Variants in CHMP7 observed in about 807,000 individuals in gnomAD.
CHMP7 encodes the protein CHMP family, member 7.
A neutral mutation model predicts 53.7 loss-of-function variants in CHMP7; 15 were observed. That is an observed-to-expected ratio of 0.28 (90% confidence interval 0.19 to 0.43). The LOEUF is 0.43. Ranked by LOEUF, CHMP7 falls within the 20% of genes least tolerant of loss-of-function variation. The pLI, the probability that CHMP7 is intolerant of heterozygous loss-of-function variation, is 1.00. For missense variants in CHMP7, 527 were observed against 569.4 expected, an observed-to-expected ratio of 0.93 and a Z score of 0.76; for synonymous variants, 261 against 228.0, an observed-to-expected ratio of 1.14 and a Z score of -1.30.
intron 7 of CHMP7, 131 bp from the exon 8 acceptor site, chr8:23,258,601 G>A: frequency 8.1e-7 from 1 of 1,227,218 alleles, no homozygotes; most frequent in Non-Finnish European, 1.2e-6. Flanking sequence ...TTTGGCCTCG[G>A]TGGGTATAGG....
intron 3 of CHMP7, among the ~76,000 whole-genome samples, chr8:23,250,562 G>A (rs536505286): frequency 6.6e-6 from 1 of 151,352 alleles, no homozygotes; most frequent in South Asian, 2.1e-4. Context: ...GTCATCTGGT[G>A]CAGACCTGCT....
At chr8:23,251,672 T>A (rs540234750) in intron 3 of CHMP7, among the ~76,000 whole-genome samples, 1 of 152,222 alleles carries the variant, frequency 6.6e-6, no homozygotes, top group African/African-American at 2.4e-5. Context: ...TTGTTTTCTT[T>A]CCATTGCATT....
chr8:23,260,609 G>A lies in CHMP7; in HGVS notation c.*10G>A, dbSNP rs1431942525. On this transcript the variant is annotated 3_prime_UTR_variant, in exon 11 of 11. Coordinates refer to ENST00000397677, the MANE Select transcript of CHMP7 (RefSeq NM_152272.5). ...TCTAAAGCCATTGTAGGACCCTCAAGTGAAGGACCCTCATGTAAAAGAGAG... is the reference window on the plus strand; with the variant it reads ...TCTAAAGCCATTGTAGGACCCTCAAATGAAGGACCCTCATGTAAAAGAGAG... 3 of 1,609,236 alleles carry A rather than the reference G, an allele frequency of 1.9e-6. No individual in the cohort carries two copies. In the African/African-American group the frequency reaches 4.0e-5, roughly 22 times the overall value.
At position 23,256,491 on chromosome 8, in the gene CHMP7, A is replaced by G. The variant is rs1802130753; in HGVS notation, c.689A>G (p.Lys230Arg). 1.2e-6 allele frequency: 2 copies of G among 1,607,696 alleles called. No homozygotes were observed. Among genetic ancestry groups the G allele is most frequent in the Admixed American group, 1.7e-5 (1 of 59,990 alleles). ...IVKFARGPRA[K>R]VSPVNDVDVG... Reference sequence around the variant, plus strand: ...AAGTTTGCCCGAGGGCCACGTGCCAAGGTCTCTCCAGTCAATGACGTAGAT... The same window carrying G: ...AAGTTTGCCCGAGGGCCACGTGCCAGGGTCTCTCCAGTCAATGACGTAGAT... Residue 230 changes from lysine (K) to arginine (R), a missense_variant, in exon 5 of 11, where the codon AAG becomes AGG. Transcript: ENST00000397677.
At chr8:23,248,111 C>A (rs1387388962) in intron 2 of CHMP7, 1 of 456,118 alleles carries the variant, frequency 2.2e-6, no homozygotes, top group East Asian at 6.9e-5. Context: ...CTGCACCTGG[C>A]CAACGAGGCT....
rs1802129643 is a variant in CHMP7, at chr8:23,256,474, C to G, written c.672C>G (p.Ala224=). Residue 224 remains alanine, a synonymous_variant, in exon 5 of 11, where the codon GCC becomes GCG. Transcript: ENST00000397677. ...CTGTCCCTCAGATTGTGAAGTTTGC[C>G]CGAGGGCCACGTGCCAAGGTCTCTC... ...EQNGEKIVKF[A]RGPRAKVSPV... 6.2e-7 allele frequency: 1 copy of G among 1,606,566 alleles called. No individual in the cohort carries two copies.
rs1025653421 is a variant in CHMP7, at chr8:23,246,465, G to A, written c.-231G>A. On this transcript the variant is annotated 5_prime_UTR_variant, in exon 2 of 11. Coordinates refer to ENST00000397677, the MANE Select transcript of CHMP7 (RefSeq NM_152272.5). Reference sequence around the variant, plus strand: ...AAAGACCGTGGGAGGAGGGGTCGGCGCAAGCGCTCGGTGTCTCTCTGAAAA... The same window carrying A: ...AAAGACCGTGGGAGGAGGGGTCGGCACAAGCGCTCGGTGTCTCTCTGAAAA... 8 of 558,754 alleles carry A rather than the reference G, an allele frequency of 1.4e-5. No individual in the cohort carries two copies. Among genetic ancestry groups the A allele is most frequent in the African/African-American group, 7.6e-5 (4 of 52,510 alleles). The allele number at this position is 558,754 out of a possible 1,614,324, so 34.6% of individuals were successfully genotyped here. A position where few individuals can be genotyped will look rare whatever the true frequency, so the allele number is the denominator to read the frequency against.
chr8:23,258,525 G>A, intron 7 of CHMP7, 76 bp downstream of exon 7: 1 of 1,580,830 alleles, frequency 6.3e-7, no homozygotes, highest in South Asian at 1.1e-5. Flanking sequence ...CGGCTTGGCT[G>A]TTTGGAGGAT....
chr8:23,257,024 C>G (rs1208395393), intron 5 of CHMP7, among the ~76,000 whole-genome samples: 4 of 151,574 alleles, frequency 2.6e-5, no homozygotes, highest in Non-Finnish European at 1.5e-5. Flanking sequence ...AATCTCCTGA[C>G]CTCGTGATCC....
chr8:23,259,161 CA>C (rs375071464), intron 9 of CHMP7, 35 bp downstream of exon 9: 25,135 of 511,524 alleles, frequency 0.049, 951 homozygotes, highest in Middle Eastern at 0.066. Flanking sequence ...TATTTTTATT[CA>C]TTTTTTTTTT....
At chr8:23,254,840 T>C (rs1202355448) in intron 3 of CHMP7, 2 of 296,812 alleles carry the variant, frequency 6.7e-6, no homozygotes, top group Admixed American at 4.4e-5. Flanking sequence ...AGAGTGATAC[T>C]GAGGACTAGT....
intron 3 of CHMP7, among the ~76,000 whole-genome samples, chr8:23,250,631 T>A (rs1801887769): frequency 2.6e-5 from 1 of 38,680 alleles, no homozygotes; most frequent in Admixed American, 2.3e-4. Flanking sequence ...TGTGTGTGTG[T>A]GTGTGTGTGT....
chr8:23,257,964 A>G, intron 5 of CHMP7, 69 bp from the exon 6 acceptor site: 1 of 1,056,800 alleles, frequency 9.5e-7, no homozygotes, highest in Non-Finnish European at 1.4e-6. Flanking sequence ...TGCTGCTCTC[A>G]GGGACCCTTT....
Position 23,260,409 on chromosome 8 carries a change from T to C in CHMP7, c.1300+86T>C. 1.9e-6 allele frequency: 3 copies of C among 1,555,182 alleles called. No homozygotes were observed. In the South Asian group the frequency reaches 3.4e-5, roughly 17 times the overall value. ...TGGGCCCAAGCCCAATTACTCCATT[T>C]GCCAGAGTACCAGAGCCCTGTAGGG... is the stretch of plus-strand genomic sequence containing the variant. On this transcript the variant is annotated intron_variant, in intron 10 of 10. Transcript: ENST00000397677.
intron 1 of CHMP7, among the ~76,000 whole-genome samples, chr8:23,244,902 A>G (rs1801631454): frequency 6.6e-6 from 1 of 152,180 alleles, no homozygotes; most frequent in African/African-American, 2.4e-5. Context: ...GCTAATGTAA[A>G]TGGTATTGCA....
chr8:23,254,994 C>T (rs542743028), intron 3 of CHMP7: 69 of 524,846 alleles, frequency 1.3e-4, no homozygotes, highest in Middle Eastern at 1.0e-3. Context: ...GTAAAATCCC[C>T]GATGGGCGTG....
intron 5 of CHMP7, among the ~76,000 whole-genome samples, chr8:23,257,327 C>T (rs565846378): frequency 1.0e-3 from 159 of 151,748 alleles, no homozygotes; most frequent in Middle Eastern, 6.8e-3. Context: ...CACTCCTCGG[C>T]GCAAACAAGA....
intron 1 of CHMP7, among the ~76,000 whole-genome samples, chr8:23,244,683 A>G (rs1801625538): frequency 1.3e-5 from 2 of 152,226 alleles, no homozygotes; most frequent in African/African-American, 4.8e-5. Flanking sequence ...ATAACTAGCC[A>G]TGATTTTCAC....
At chr8:23,255,505 C>G (rs898373960) in intron 4 of CHMP7, 73 bp downstream of exon 4, 6 of 1,473,784 alleles carry the variant, frequency 4.1e-6, no homozygotes, top group Admixed American at 1.8e-5. Context: ...GAGCCCTTAT[C>G]TCAGATTTTG....
Sources: gnomAD v4.1 joint callset for allele counts (sites outside exome capture counted in the v4.1 genomes callset) on GRCh38, gnomAD v4.1.1 for gene constraint, MANE v1.5 for transcripts, NCBI Gene and HGNC (gene_info 2026-07-23, HGNC 2026-07-21) for gene names.